The following CALCR variants were observed in gnomAD, a reference collection of about 807,000 sequenced individuals.
CALCR encodes the protein calcitonin receptor.
In CALCR, 47 loss-of-function variants were observed where a neutral mutation model predicts 59.5. The ratio of observed to expected loss-of-function variants is 0.79; its 90% CI spans 0.63 to 1.01. The LOEUF is 1.01. Ranked by LOEUF, CALCR falls within the 50% of genes least tolerant of loss-of-function variation. The pLI is 0.00. For synonymous variants in CALCR, 213 were observed against 211.3 expected (o/e 1.01, Z -0.07); for missense variants, 566 against 597.1 (o/e 0.95, Z 0.54).
intron 2 of CALCR, among the ~76,000 whole-genome samples, chr7:93,501,194 G>A (rs1801314793): frequency 6.6e-6 from 1 of 151,940 alleles, no homozygotes; most frequent in African/African-American, 2.4e-5. Flanking sequence ...AAGAATCAGT[G>A]GTCTGATCTG....
rs945008181 is a variant in CALCR at position 93,500,149 on chromosome 7, G to A, written c.-26-13142C>T. 4.0e-5 allele frequency among the ~76,000 whole-genome samples: 6 copies of A among 151,620 alleles called. 1 individual carries two copies. The South Asian group carries it at 6.3e-4, about 16-fold the overall frequency. Reference sequence around the variant, plus strand: ...AGCTCTAATTAAAACTCTATCATAGGGTCCAACCTAGTTCATGTTCTAAAT... The same window carrying A: ...AGCTCTAATTAAAACTCTATCATAGAGTCCAACCTAGTTCATGTTCTAAAT... On this transcript the variant is annotated intron_variant, in intron 2 of 13. Transcript: ENST00000426151.
intron 4 of CALCR, among the ~76,000 whole-genome samples, 194 bp from the exon 5 acceptor site, chr7:93,477,862 C>T (rs1001386202): frequency 6.8e-6 from 1 of 146,112 alleles, no homozygotes; most frequent in Non-Finnish European, 1.5e-5. Context: ...CAAATTATCT[C>T]ATTGGATGAC....
chr7:93,428,197 T>G (rs1315136916), intron 13 of CALCR, among the ~76,000 whole-genome samples: 1 of 152,226 alleles, frequency 6.6e-6, no homozygotes, highest in Non-Finnish European at 1.5e-5. Context: ...TTATTGAGTG[T>G]TTACTAAGTA....
At chr7:93,497,775 T>G (rs150429407) in intron 2 of CALCR, among the ~76,000 whole-genome samples, 8 of 151,742 alleles carry the variant, frequency 5.3e-5, no homozygotes, top group African/African-American at 1.9e-4. Context: ...TCACTCTTGA[T>G]CTCTATTATA....
intron 2 of CALCR, among the ~76,000 whole-genome samples, chr7:93,551,200 A>G (rs1172576921): frequency 2.0e-5 from 3 of 152,216 alleles, no homozygotes; most frequent in African/African-American, 7.2e-5. Context: ...GTTGAAGAAA[A>G]TTCTTTTTAA....
chr7:93,548,839 AGTGT>A (rs754317267), intron 2 of CALCR, among the ~76,000 whole-genome samples: 11,981 of 137,290 alleles, frequency 0.087, 485 homozygotes, highest in Non-Finnish European at 0.096. Context: ...ATCCAGAAGA[AGTGT>A]GTGTGTGTGT....
chr7:93,534,425 T>A (rs1788930457), intron 2 of CALCR, among the ~76,000 whole-genome samples: 1 of 151,748 alleles, frequency 6.6e-6, no homozygotes. Flanking sequence ...TAAGATATAG[T>A]CTCTCTGGTC....
intron 8 of CALCR, among the ~76,000 whole-genome samples, chr7:93,451,020 G>T (rs1584545355): frequency 1.3e-5 from 2 of 150,912 alleles, no homozygotes; most frequent in South Asian, 2.1e-4. Flanking sequence ...CTATTTAGTT[G>T]TAATACTTTT....
At chr7:93,525,566 A>G (rs1801859776) in intron 2 of CALCR, among the ~76,000 whole-genome samples, 2 of 152,216 alleles carry the variant, frequency 1.3e-5, no homozygotes, top group African/African-American at 2.4e-5. Context: ...CTACTTTGTC[A>G]GAGGACAATG....
intron 4 of CALCR, among the ~76,000 whole-genome samples, chr7:93,477,961 C>CAAAAAAAAAAAAAAAAAAAAAAAAAAAA (rs71107894): frequency 5.5e-5 from 3 of 54,400 alleles, no homozygotes; most frequent in Non-Finnish European, 6.6e-5. Flanking sequence ...GACCCTCTCT[C>CAAAAAAAAAAAAAAAAAAAAAAAAAAAA]AAAAAAAAAA....
intron 5 of CALCR, among the ~76,000 whole-genome samples, chr7:93,473,258 G>C (rs1800594790): frequency 6.6e-6 from 1 of 151,828 alleles, no homozygotes; most frequent in Non-Finnish European, 1.5e-5. Flanking sequence ...GCACTTTGCA[G>C]AATTATCTTC....
Position 93,425,515 on chromosome 7 carries a change from C to CTCTT in CALCR, c.*837_*840dup, listed in dbSNP as rs3839835. 17,032 of 152,552 alleles carry CTCTT rather than the reference C, an allele frequency of 0.11. 1,362 individuals are homozygous for CTCTT. The highest frequency in any genetic ancestry group is 0.43 in the East Asian group (2,240 of 5,158). The allele number at this position is 152,552 out of a possible 1,614,324, so 9.4% of individuals were successfully genotyped here. A position where few individuals can be genotyped will look rare whatever the true frequency, so the allele number is the denominator to read the frequency against. On this transcript the variant is annotated 3_prime_UTR_variant, in exon 14 of 14. Transcript: ENST00000426151. ...CTGGAGTTTAGGGGAGTGGCAAACT[C>CTCTT]TCTTTAAAGGGAGTATTGTCTTCCA...
chr7:93,479,258 A>G, intron 4 of CALCR, 96 bp downstream of exon 4: 1 of 1,240,054 alleles, frequency 8.1e-7, no homozygotes, highest in Non-Finnish European at 1.1e-6. Context: ...AACTGCTGGC[A>G]TATTAAATTA....
chr7:93,492,366 A>G (rs2097127546), intron 2 of CALCR, among the ~76,000 whole-genome samples: 1 of 151,406 alleles, frequency 6.6e-6, no homozygotes, highest in Non-Finnish European at 1.5e-5. Context: ...AATAGTAAAA[A>G]AAAAGTATTT....
Position 93,429,925 on chromosome 7 carries a change from TGTTTG to T in CALCR, c.1192-3341_1192-3337del, listed in dbSNP as rs368535020. 3.9e-4 allele frequency among the ~76,000 whole-genome samples: 40 copies of T among 102,534 alleles called. 2 individuals are homozygous for T. Among genetic ancestry groups the T allele is most frequent in the Middle Eastern group, 5.6e-3 (1 of 180 alleles). 67.3% of individuals were successfully genotyped at this position (102,534 alleles called of 152,430 possible). A position where few individuals can be genotyped will look rare whatever the true frequency, so the allele number is the denominator to read the frequency against. ...GCACACTTTAGACGGTTTTTTTTTT[TGTTTG>T]TTTGTTTTTTTGTTTTTTTTTGAGA... On this transcript the variant is annotated intron_variant, in intron 13 of 13. Coordinates refer to ENST00000426151, the MANE Select transcript of CALCR (RefSeq NM_001742.4).
rs542524452 is a variant in CALCR, at chr7:93,523,310, C to A, written c.-26-36303G>T. 1.2e-4 allele frequency among the ~76,000 whole-genome samples: 19 copies of A among 152,278 alleles called. No individual in the cohort carries two copies. The South Asian group carries it at 3.7e-3, about 30-fold the overall frequency. On this transcript the variant is annotated intron_variant, in intron 2 of 13. Coordinates refer to ENST00000426151, the MANE Select transcript of CALCR (RefSeq NM_001742.4). ...TTCTGTACCCCTCACGGTCTCCTCCCATTTTTTGGTAGAAACACAGAAGGT... is the reference window on the plus strand; with the variant it reads ...TTCTGTACCCCTCACGGTCTCCTCCAATTTTTTGGTAGAAACACAGAAGGT...
Position 93,460,875 on chromosome 7 carries a change from G to A in CALCR, c.594C>T (p.Ile198=), listed in dbSNP as rs1444933388. Residue 198 remains isoleucine, a synonymous_variant, in exon 8 of 14, where the codon ATC becomes ATT. Transcript: ENST00000426151. ...FLTYILNSMI[I]IIHLVEVVPN... ...GTACTACTTCAACCAGGTGGATGAT[G>A]ATAATCATAGAATTCAGAATGTAAG... 3.1e-6 allele frequency: 5 copies of A among 1,611,008 alleles called. No homozygotes were observed. In the South Asian group the frequency reaches 5.5e-5, roughly 18 times the overall value.
intron 8 of CALCR, among the ~76,000 whole-genome samples, chr7:93,455,630 A>G (rs972344801): frequency 6.6e-6 from 1 of 152,070 alleles, no homozygotes; most frequent in Non-Finnish European, 1.5e-5. Flanking sequence ...CTGTATCCTT[A>G]GAAGTGAAGA....
At position 93,426,561 on chromosome 7, in the gene CALCR, G is replaced by GC; in HGVS notation, c.1219dup (p.Ala407GlyfsTer44). The GC allele has an allele frequency of 1.9e-6, 3 of 1,610,036 alleles. No individual in the cohort carries two copies. Among genetic ancestry groups the GC allele is most frequent in the Non-Finnish European group, 2.5e-6 (3 of 1,176,842 alleles). ...CTGGTTCCACTGAATTTTGAATTGG[G>GC]CCCATTGGCGCTTCACGGTGGTTTG... On this transcript the variant is annotated frameshift_variant, in exon 14 of 14. Coordinates refer to ENST00000426151, the MANE Select transcript of CALCR (RefSeq NM_001742.4). LOFTEE classifies it low-confidence loss of function (END_TRUNC).
Sources: gnomAD v4.1 joint callset for allele counts (sites outside exome capture counted in the v4.1 genomes callset) on GRCh38, gnomAD v4.1.1 for gene constraint, MANE v1.5 for transcripts, NCBI Gene and HGNC (gene_info 2026-07-23, HGNC 2026-07-21) for gene names.